Variants in CDH10 observed in about 807,000 individuals in gnomAD.
CDH10 encodes the protein cadherin-10.
Under a neutral mutation model 73.1 loss-of-function variants are expected in CDH10, and 30 were observed. That is an observed-to-expected ratio of 0.41 (90% confidence interval 0.31 to 0.56). CDH10 has a LOEUF of 0.56. Ranked by LOEUF, CDH10 falls within the 20% of genes least tolerant of loss-of-function variation. CDH10 has a pLI of 0.27. For synonymous variants in CDH10, 345 were observed against 348.2 expected (o/e 0.99, Z 0.10); for missense variants, 815 against 973.7 (o/e 0.84, Z 2.17).
intron 2 of CDH10, among the ~76,000 whole-genome samples, chr5:24,554,527 CATG>C (rs1744696189): frequency 8.2e-6 from 1 of 122,252 alleles, no homozygotes; most frequent in Non-Finnish European, 1.7e-5. Context: ...TGTGCACGTG[CATG>C]ATTTTTCTTG....
intron 2 of CDH10, among the ~76,000 whole-genome samples, chr5:24,585,426 AAACAAC>A (rs922523654): frequency 6.6e-6 from 1 of 151,992 alleles, no homozygotes; most frequent in African/African-American, 2.4e-5. Context: ...TTTCTTTAAA[AAACAAC>A]AACAACAACA....
At chr5:24,605,140 T>G (rs1746714752) in intron 1 of CDH10, among the ~76,000 whole-genome samples, 2 of 152,028 alleles carry the variant, frequency 1.3e-5, no homozygotes, top group Non-Finnish European at 2.9e-5. Flanking sequence ...AACAAAAATT[T>G]GAAAATGAAG....
At chr5:24,546,150 A>T (rs1744328809) in intron 2 of CDH10, among the ~76,000 whole-genome samples, 1 of 152,066 alleles carries the variant, frequency 6.6e-6, no homozygotes, top group Non-Finnish European at 1.5e-5. Context: ...GCATTTTTTT[A>T]AAAGGCTATG....
chr5:24,591,781 A>C (rs1579853386), intron 2 of CDH10, among the ~76,000 whole-genome samples: 1 of 151,944 alleles, frequency 6.6e-6, no homozygotes, highest in East Asian at 1.9e-4. Flanking sequence ...ATGAGATAAA[A>C]ATAAAAAATA....
At chr5:24,631,806 T>C (rs1747713719) in intron 1 of CDH10, among the ~76,000 whole-genome samples, 1 of 152,034 alleles carries the variant, frequency 6.6e-6, no homozygotes, top group Non-Finnish European at 1.5e-5. Context: ...AATATATATA[T>C]TAAAACTCTA....
At chr5:24,541,240 T>C (rs550934414) in intron 2 of CDH10, among the ~76,000 whole-genome samples, 27 of 152,154 alleles carry the variant, frequency 1.8e-4, no homozygotes, top group East Asian at 9.7e-4. Context: ...TCTTGAGTTA[T>C]AGTCCCCTTC....
At chr5:24,564,043 C>G (rs964984229) in intron 2 of CDH10, among the ~76,000 whole-genome samples, 2 of 152,150 alleles carry the variant, frequency 1.3e-5, no homozygotes, top group African/African-American at 4.8e-5. Context: ...CTTGTACATA[C>G]AGTGGACCAC....
chr5:24,542,027 A>G (rs1744173640), intron 2 of CDH10, among the ~76,000 whole-genome samples: 1 of 152,174 alleles, frequency 6.6e-6, no homozygotes, highest in Admixed American at 6.6e-5. Flanking sequence ...GAATTTAAAG[A>G]AAAATTTAAA....
In CDH10 at chr5:24,542,687, C is replaced by A. The variant is rs945114048; in HGVS notation, c.232-5013G>T. 4.6e-5 allele frequency among the ~76,000 whole-genome samples: 7 copies of A among 152,294 alleles called. No homozygotes were observed. The East Asian group carries it at 1.2e-3, about 25-fold the overall frequency. On this transcript the variant is annotated intron_variant, in intron 2 of 11. Coordinates refer to ENST00000264463, the MANE Select transcript of CDH10 (RefSeq NM_006727.5). ...GCTTATAAGCAACAGAAATATACTT[C>A]TCACTGTTCTGGAGACTGGGAAGTC... is the stretch of plus-strand genomic sequence containing the variant.
chr5:24,594,476 T>C (rs1014833453), intron 1 of CDH10, among the ~76,000 whole-genome samples: 10 of 151,906 alleles, frequency 6.6e-5, no homozygotes, highest in African/African-American at 2.4e-4. Context: ...TATCCCACTG[T>C]GATGGAAACC....
intron 5 of CDH10, among the ~76,000 whole-genome samples, chr5:24,520,691 AAAAC>A (rs1743289569): frequency 2.0e-5 from 3 of 152,174 alleles, no homozygotes; most frequent in Non-Finnish European, 2.9e-5. Context: ...TAGAAAATTT[AAAAC>A]AAACAAACAC....
chr5:24,594,712 T>C (rs1234434026), intron 1 of CDH10, among the ~76,000 whole-genome samples: 2 of 151,994 alleles, frequency 1.3e-5, no homozygotes, highest in African/African-American at 4.8e-5. Context: ...TTCACTTAGC[T>C]AGATCCTCTG....
chr5:24,545,647 A>G (rs1346232070), intron 2 of CDH10, among the ~76,000 whole-genome samples: 4 of 149,990 alleles, frequency 2.7e-5, no homozygotes, highest in Non-Finnish European at 5.9e-5. Context: ...TCCTCTCTAC[A>G]TTTTTTTTTC....
At chr5:24,608,184 A>C (rs2112136270) in intron 1 of CDH10, among the ~76,000 whole-genome samples, 1 of 152,358 alleles carries the variant, frequency 6.6e-6, no homozygotes, top group Admixed American at 6.5e-5. Flanking sequence ...AATATGGAGC[A>C]GTAACAGTTT....
At chr5:24,566,510 T>C (rs1008054321) in intron 2 of CDH10, among the ~76,000 whole-genome samples, 2 of 152,146 alleles carry the variant, frequency 1.3e-5, no homozygotes, top group Non-Finnish European at 2.9e-5. Flanking sequence ...GCTATATATA[T>C]AGAATAACCG....
intron 2 of CDH10, among the ~76,000 whole-genome samples, chr5:24,587,133 C>T (rs1235129731): frequency 6.6e-6 from 1 of 152,008 alleles, no homozygotes; most frequent in Non-Finnish European, 1.5e-5. Flanking sequence ...CGTGAGCCAC[C>T]GCGCCCGGCC....
chr5:24,497,909 A>G (rs890356494), intron 9 of CDH10, among the ~76,000 whole-genome samples: 2 of 152,216 alleles, frequency 1.3e-5, no homozygotes, highest in African/African-American at 2.4e-5. Flanking sequence ...GTAATGATGA[A>G]ATGCAATATG....
intron 2 of CDH10, among the ~76,000 whole-genome samples, chr5:24,569,555 AAT>A (rs1009957730): frequency 2.0e-5 from 3 of 152,198 alleles, no homozygotes; most frequent in Admixed American, 1.3e-4. Context: ...TTTTCATAAA[AAT>A]AATGGGTTTT....
chr5:24,493,307 A>G (rs1742132326), intron 9 of CDH10, among the ~76,000 whole-genome samples: 1 of 152,028 alleles, frequency 6.6e-6, no homozygotes, highest in African/African-American at 2.4e-5. Flanking sequence ...CCCCAAAAAT[A>G]AAATGAAAAA....
Sources: gnomAD v4.1 joint callset for allele counts (sites outside exome capture counted in the v4.1 genomes callset) on GRCh38, gnomAD v4.1.1 for gene constraint, MANE v1.5 for transcripts, NCBI Gene and HGNC (gene_info 2026-07-23, HGNC 2026-07-21) for gene names.